Variants in UGT8 observed in about 807,000 individuals in gnomAD.
UGT8 encodes 2-hydroxyacylsphingosine 1-beta-galactosyltransferase.
In UGT8, 12 loss-of-function variants were observed where a neutral mutation model predicts 40.5. That is an observed-to-expected ratio of 0.30 (90% confidence interval 0.19 to 0.48). UGT8 has a LOEUF of 0.48. UGT8 is among the 20% of genes least tolerant of loss of function. The pLI is 0.99. For missense variants in UGT8, 513 were observed against 648.7 expected (o/e 0.79, Z 2.27); for synonymous variants, 224 against 240.4 (o/e 0.93, Z 0.63).
At chr4:114,618,092 TGTTAC>T (rs1356884425) in intron 1 of UGT8, among the ~76,000 whole-genome samples, 8 of 152,174 alleles carry the variant, frequency 5.3e-5, no homozygotes, top group African/African-American at 9.7e-5. Context: ...CTTAGTGTTA[TGTTAC>T]AAGTATTTTC....
chr4:114,626,911 G>A (rs1436263142), intron 2 of UGT8, among the ~76,000 whole-genome samples: 2 of 152,154 alleles, frequency 1.3e-5, no homozygotes, highest in African/African-American at 4.8e-5. Context: ...TTATGCTTTA[G>A]AGATTTGATA....
chr4:114,602,701 C>T (rs886616832), intron 1 of UGT8, among the ~76,000 whole-genome samples: 3 of 151,980 alleles, frequency 2.0e-5, no homozygotes, highest in Admixed American at 1.3e-4. Flanking sequence ...TCTGTAAGTG[C>T]CGTGATAGAG....
At position 114,675,548 on chromosome 4, in the gene UGT8, A is replaced by G. The variant is rs368356498; in HGVS notation, c.1263-377A>G. Among the ~76,000 whole-genome samples the G allele has an allele frequency of 5.3e-5, 8 of 151,466 alleles. No individual in the cohort carries two copies. In the South Asian group the frequency reaches 1.0e-3, roughly 20 times the overall value. On this transcript the variant is annotated intron_variant, in intron 5 of 5. Coordinates refer to ENST00000310836, the MANE Select transcript of UGT8 (RefSeq NM_001128174.3). ...GAGGTCAGGAGATTGAGACCATCCCAGCTAAAACGGTGAAACCCCGTCTCT... is the reference window on the plus strand; with the variant it reads ...GAGGTCAGGAGATTGAGACCATCCCGGCTAAAACGGTGAAACCCCGTCTCT...
chr4:114,643,483 C>A (rs554437474), intron 2 of UGT8, among the ~76,000 whole-genome samples: 3 of 152,136 alleles, frequency 2.0e-5, no homozygotes, highest in African/African-American at 4.8e-5. Context: ...TATATTATCA[C>A]ATTTTTCTGA....
At chr4:114,647,150 C>A (rs1299467037) in intron 2 of UGT8, among the ~76,000 whole-genome samples, 1 of 152,040 alleles carries the variant, frequency 6.6e-6, no homozygotes, top group Non-Finnish European at 1.5e-5. Flanking sequence ...TCAATTATAA[C>A]TTTAATTTGT....
At chr4:114,612,893 T>G (rs1274266632) in intron 1 of UGT8, among the ~76,000 whole-genome samples, 2 of 152,192 alleles carry the variant, frequency 1.3e-5, no homozygotes, top group East Asian at 3.8e-4. Flanking sequence ...AGGTAAATTC[T>G]TTTTCTTTTC....
intron 2 of UGT8, among the ~76,000 whole-genome samples, chr4:114,624,264 AATTTC>A (rs905222781): frequency 8.1e-4 from 124 of 152,328 alleles, no homozygotes; most frequent in African/African-American, 2.9e-3. Flanking sequence ...GCTCTATTGC[AATTTC>A]ATTTCAATGA....
chr4:114,669,375 CATATACAT>C (rs1278218019), intron 5 of UGT8, among the ~76,000 whole-genome samples: 2 of 33,030 alleles, frequency 6.1e-5, no homozygotes, highest in Non-Finnish European at 1.2e-4. Flanking sequence ...GATGTTATTT[CATATACAT>C]ATATATATAT....
At chr4:114,640,853 C>T (rs575786695) in intron 2 of UGT8, among the ~76,000 whole-genome samples, 50 of 152,202 alleles carry the variant, frequency 3.3e-4, no homozygotes, top group Non-Finnish European at 5.3e-4. Flanking sequence ...TACCTCCCAC[C>T]GGGTCCTTCT....
intron 2 of UGT8, among the ~76,000 whole-genome samples, chr4:114,634,975 A>G (rs543944755): frequency 1.3e-5 from 2 of 152,152 alleles, no homozygotes; most frequent in East Asian, 3.9e-4. Context: ...CAGAGGATGG[A>G]CAAGTGAGAG....
At chr4:114,670,523 A>G (rs750853795) in intron 5 of UGT8, among the ~76,000 whole-genome samples, 13 of 151,634 alleles carry the variant, frequency 8.6e-5, no homozygotes, top group Non-Finnish European at 1.5e-4. Context: ...ATGTAAATCT[A>G]TAAGGTAATC....
chr4:114,662,079 A>C (rs551026413), intron 2 of UGT8, among the ~76,000 whole-genome samples: 9 of 152,352 alleles, frequency 5.9e-5, no homozygotes, highest in African/African-American at 2.2e-4. Flanking sequence ...TTAATTCAAA[A>C]TTGATATAGT....
At chr4:114,599,156 G>A (rs1437787829) in intron 1 of UGT8, among the ~76,000 whole-genome samples, 182 bp downstream of exon 1, 2 of 152,102 alleles carry the variant, frequency 1.3e-5, no homozygotes, top group Admixed American at 6.5e-5. Flanking sequence ...GGTTAGTGGG[G>A]GTTGGCGGGG....
chr4:114,624,882 C>G lies in UGT8; in HGVS notation c.822+1180C>G, dbSNP rs549563354. ...TGGAGGCCATGAGGGCACACTTGTT[C>G]TCTCTGACGTCAACTGTAAAGGATA... is the stretch of plus-strand genomic sequence containing the variant. On this transcript the variant is annotated intron_variant, in intron 2 of 5. Transcript: ENST00000310836. Among the ~76,000 whole-genome samples the G allele has an allele frequency of 2.0e-5, 3 of 152,152 alleles. No homozygotes were observed. The South Asian group carries it at 6.2e-4, about 32-fold the overall frequency.
chr4:114,599,865 A>T (rs1464293315), intron 1 of UGT8, among the ~76,000 whole-genome samples: 1 of 152,108 alleles, frequency 6.6e-6, no homozygotes, highest in African/African-American at 2.4e-5. Context: ...GCAAAAGGAC[A>T]ATCTGAGGAG....
At chr4:114,612,559 A>C (rs901121152) in intron 1 of UGT8, among the ~76,000 whole-genome samples, 1 of 152,170 alleles carries the variant, frequency 6.6e-6, no homozygotes, top group African/African-American at 2.4e-5. Flanking sequence ...TTCTTTTATT[A>C]TTTTAAGCAA....
intron 2 of UGT8, among the ~76,000 whole-genome samples, chr4:114,642,289 C>T (rs1407206856): frequency 5.9e-5 from 9 of 151,682 alleles, no homozygotes; most frequent in Admixed American, 2.6e-4. Context: ...TTAAGGGAAA[C>T]GATCTATTTT....
intron 2 of UGT8, among the ~76,000 whole-genome samples, chr4:114,634,977 A>G: frequency 6.6e-6 from 1 of 152,050 alleles, no homozygotes; most frequent in Non-Finnish European, 1.5e-5. Flanking sequence ...GAGGATGGAC[A>G]AGTGAGAGGC....
intron 2 of UGT8, among the ~76,000 whole-genome samples, chr4:114,661,244 TA>T (rs571697208): frequency 1.3e-4 from 20 of 152,162 alleles, no homozygotes; most frequent in Non-Finnish European, 2.5e-4. Context: ...CTTTTACTTG[TA>T]AAAATGTTAC....
Sources: gnomAD v4.1 joint callset for allele counts (sites outside exome capture counted in the v4.1 genomes callset) on GRCh38, gnomAD v4.1.1 for gene constraint, MANE v1.5 for transcripts, NCBI Gene and HGNC (gene_info 2026-07-23, HGNC 2026-07-21) for gene names.